The following MYO1D variants were observed in gnomAD, a reference collection of about 807,000 sequenced individuals.
MYO1D encodes unconventional myosin-Id.
Under a neutral mutation model 122.0 loss-of-function variants are expected in MYO1D, and 83 were observed. That is an observed-to-expected ratio of 0.68 (90% CI 0.57 to 0.82). MYO1D has a LOEUF of 0.82. Ranked by LOEUF, MYO1D falls within the 40% of genes least tolerant of loss-of-function variation. The pLI is 0.00. For missense variants in MYO1D, 1,157 were observed against 1,269.5 expected, an observed-to-expected ratio of 0.91 and a Z score of 1.35; for synonymous variants, 464 against 446.9, an observed-to-expected ratio of 1.04 and a Z score of -0.48.
chr17:32,525,260 G>A lies in MYO1D; in HGVS notation c.2865-30345C>T, dbSNP rs563175214. Among the ~76,000 whole-genome samples the A allele has an allele frequency of 1.8e-4, 28 of 152,314 alleles. No homozygotes were observed. The South Asian group carries it at 5.0e-3, about 27-fold the overall frequency. On this transcript the variant is annotated intron_variant, in intron 21 of 21. Transcript: ENST00000318217. ...AAACCTCCCCTCTCTCCTTCCCCAC[G>A]TGGATTTCTGTGGCTATCTCACTGA...
At chr17:32,581,053 C>T (rs2087334446) in intron 21 of MYO1D, among the ~76,000 whole-genome samples, 1 of 152,084 alleles carries the variant, frequency 6.6e-6, no homozygotes, top group Non-Finnish European at 1.5e-5. Context: ...TAGTAGAACT[C>T]CCCAGTAAAG....
intron 20 of MYO1D, among the ~76,000 whole-genome samples, chr17:32,618,943 A>G (rs1226455691): frequency 6.6e-6 from 1 of 152,040 alleles, no homozygotes; most frequent in Non-Finnish European, 1.5e-5. Flanking sequence ...CAACTCCTCC[A>G]TTAATTTAAA....
chr17:32,779,009 G>A lies in MYO1D; in HGVS notation c.305-436C>T, dbSNP rs563603509. On this transcript the variant is annotated intron_variant, in intron 2 of 21. Transcript: ENST00000318217. ...AATCTTAAAGGGGACAAAATAATTC[G>A]TCTAAAAAATTAAGGTTAGAGTAAT... Among the ~76,000 whole-genome samples, 10 of 151,992 alleles carry A rather than the reference G, an allele frequency of 6.6e-5. No homozygotes were observed. In the South Asian group the frequency reaches 1.2e-3, roughly 19 times the overall value.
At chr17:32,666,838 C>T (rs1365817532) in intron 16 of MYO1D, among the ~76,000 whole-genome samples, 1 of 152,222 alleles carries the variant, frequency 6.6e-6, no homozygotes, top group Non-Finnish European at 1.5e-5. Flanking sequence ...TTTCCACAAA[C>T]AGAATTGTTC....
intron 15 of MYO1D, among the ~76,000 whole-genome samples, chr17:32,716,922 T>A (rs186916730): frequency 6.6e-6 from 1 of 152,372 alleles, no homozygotes; most frequent in Admixed American, 6.5e-5. Flanking sequence ...CTTTAGTAGC[T>A]TTTAAGGTTA....
chr17:32,861,155 G>A (rs1025254114), intron 1 of MYO1D, among the ~76,000 whole-genome samples: 4 of 147,038 alleles, frequency 2.7e-5, no homozygotes, highest in Admixed American at 2.1e-4. Flanking sequence ...TGCAAGCTCC[G>A]CCTCCCAGGT....
chr17:32,749,924 ATC>A (rs902574576), intron 11 of MYO1D, among the ~76,000 whole-genome samples: 1 of 152,216 alleles, frequency 6.6e-6, no homozygotes, highest in Non-Finnish European at 1.5e-5. Flanking sequence ...AGGTACAACA[ATC>A]TCTCTGTTAC....
chr17:32,659,997 T>G (rs1199254133), intron 16 of MYO1D, among the ~76,000 whole-genome samples: 1 of 152,338 alleles, frequency 6.6e-6, no homozygotes, highest in East Asian at 1.9e-4. Flanking sequence ...ATACTTATTT[T>G]TTTTCAGGAT....
intron 21 of MYO1D, among the ~76,000 whole-genome samples, chr17:32,586,890 G>T (rs1388690215): frequency 6.6e-6 from 1 of 152,174 alleles, no homozygotes; most frequent in Non-Finnish European, 1.5e-5. Flanking sequence ...ATCTGGCCTG[G>T]AGTGTGAATT....
chr17:32,704,597 G>C (rs1483553802), intron 16 of MYO1D, among the ~76,000 whole-genome samples: 1 of 152,212 alleles, frequency 6.6e-6, no homozygotes, highest in Non-Finnish European at 1.5e-5. Context: ...TTTAGAAATA[G>C]TCAATGGTAG....
Position 32,578,417 on chromosome 17 carries a change from C to T in MYO1D, c.2864+26670G>A, listed in dbSNP as rs1019277531. On this transcript the variant is annotated intron_variant, in intron 21 of 21. Transcript: ENST00000318217. Reference sequence around the variant, plus strand: ...CCTGATAGAATAATAACTTCAGAACCCTGCTCATCTGGGAATCAGCACTAG... The same window carrying T: ...CCTGATAGAATAATAACTTCAGAACTCTGCTCATCTGGGAATCAGCACTAG... Among the ~76,000 whole-genome samples the T allele has an allele frequency of 7.3e-4, 111 of 152,210 alleles. 3 individuals carry two copies. The highest frequency in any genetic ancestry group is 1.2e-4 in the Non-Finnish European group (8 of 68,040).
intron 10 of MYO1D, 199 bp from the exon 11 acceptor site, chr17:32,755,861 A>G (rs1358102174): frequency 4.1e-6 from 2 of 488,512 alleles, no homozygotes; most frequent in Non-Finnish European, 7.2e-6. Flanking sequence ...TTAACTTTCT[A>G]TCATGAAATA....
intron 1 of MYO1D, among the ~76,000 whole-genome samples, chr17:32,871,340 C>T (rs1017640047): frequency 6.6e-6 from 1 of 152,160 alleles, no homozygotes; most frequent in African/African-American, 2.4e-5. Flanking sequence ...ACACACAGGA[C>T]AGCCCCTACA....
intron 21 of MYO1D, among the ~76,000 whole-genome samples, chr17:32,546,462 A>G (rs1194980798): frequency 6.6e-6 from 1 of 152,232 alleles, no homozygotes; most frequent in African/African-American, 2.4e-5. Flanking sequence ...AGGGGCACAC[A>G]GAAAACCTAT....
chr17:32,557,345 G>A (rs1439682998), intron 21 of MYO1D, among the ~76,000 whole-genome samples: 3 of 151,762 alleles, frequency 2.0e-5, no homozygotes, highest in African/African-American at 7.3e-5. Context: ...TCCTGACTTC[G>A]TGATCCACCT....
chr17:32,570,363 TA>T lies in MYO1D; in HGVS notation c.2864+34723del, dbSNP rs1003857183. ...GCATGGTAAGCCAAGGTTACCACAT[TA>T]AAAAAAATTTTTTTTTTTGAGACAG... On this transcript the variant is annotated intron_variant, in intron 21 of 21. Transcript: ENST00000318217. 1.7e-3 allele frequency among the ~76,000 whole-genome samples: 252 copies of T among 151,738 alleles called. 2 individuals carry two copies. Among genetic ancestry groups the T allele is most frequent in the African/African-American group, 5.8e-3 (238 of 41,380 alleles).
intron 20 of MYO1D, among the ~76,000 whole-genome samples, chr17:32,608,992 AG>A (rs1020643828): frequency 6.6e-6 from 1 of 152,190 alleles, no homozygotes; most frequent in African/African-American, 2.4e-5. Context: ...AGTAGCTGCC[AG>A]GGTTTGGGGT....
chr17:32,738,650 A>G (rs1176535579), intron 13 of MYO1D, among the ~76,000 whole-genome samples: 1 of 152,170 alleles, frequency 6.6e-6, no homozygotes, highest in Non-Finnish European at 1.5e-5. Context: ...TCCTTATTAT[A>G]CCTACCTAGG....
At chr17:32,798,432 T>C (rs1269182306) in intron 1 of MYO1D, among the ~76,000 whole-genome samples, 1 of 152,228 alleles carries the variant, frequency 6.6e-6, no homozygotes, top group Admixed American at 6.5e-5. Flanking sequence ...TAAAGAATAA[T>C]CTTCCTTGTG....
Sources: allele counts gnomAD v4.1 joint callset (sites outside exome capture counted in the v4.1 genomes callset), GRCh38; gene constraint gnomAD v4.1.1; transcripts MANE v1.5; gene names NCBI Gene and HGNC (gene_info 2026-07-23, HGNC 2026-07-21).